SLC8A3: variants seen among roughly 807,000 people sequenced by gnomAD.
SLC8A3 encodes the protein sodium/calcium exchanger 3.
Under a neutral mutation model 65.4 loss-of-function variants are expected in SLC8A3, and 37 were observed. The observed-to-expected ratio is 0.57, with a 90% CI of 0.44 to 0.74. SLC8A3 has a LOEUF of 0.74. SLC8A3 is among the 30% of genes least tolerant of loss of function. SLC8A3 has a pLI of 0.00. For missense variants in SLC8A3, 1,112 were observed against 1,172.1 expected (o/e 0.95, Z 0.75); for synonymous variants, 461 against 444.5 (o/e 1.04, Z -0.47).
intron 2 of SLC8A3, among the ~76,000 whole-genome samples, chr14:70,076,604 C>T (rs532705714): frequency 6.6e-6 from 1 of 152,150 alleles, no homozygotes; most frequent in Non-Finnish European, 1.5e-5. Flanking sequence ...TCTATTCTTG[C>T]ACACATTACT....
At chr14:70,187,041 G>A (rs61978213) in intron 1 of SLC8A3, 4,039 of 152,366 alleles carry the variant, frequency 0.027, 82 homozygotes, top group Non-Finnish European at 0.041. Context: ...GTGCCCCACC[G>A]GAAGGCCGGA....
intron 2 of SLC8A3, among the ~76,000 whole-genome samples, chr14:70,097,798 G>A (rs571046891): frequency 2.0e-5 from 3 of 152,180 alleles, no homozygotes; most frequent in Middle Eastern, 3.4e-3. Flanking sequence ...TTAAAGTACA[G>A]GGGCAGGTGA....
chr14:70,166,525 A>T (rs1897168019), intron 2 of SLC8A3, 114 bp downstream of exon 2: 4 of 681,330 alleles, frequency 5.9e-6, no homozygotes, highest in Non-Finnish European at 1.0e-5. Flanking sequence ...GATGGAACCA[A>T]AGTTTGACAT....
At chr14:70,049,153 A>T in intron 5 of SLC8A3, 111 bp from the exon 6 acceptor site, 1 of 1,105,668 alleles carries the variant, frequency 9.0e-7, no homozygotes, top group Non-Finnish European at 1.3e-6. Context: ...AGGGGACTCC[A>T]GCTGTCTTCT....
chr14:70,090,354 C>T (rs1194202756), intron 2 of SLC8A3, among the ~76,000 whole-genome samples: 2 of 152,114 alleles, frequency 1.3e-5, no homozygotes, highest in South Asian at 2.1e-4. Context: ...TAAACTATCA[C>T]GTCATATGCG....
intron 2 of SLC8A3, among the ~76,000 whole-genome samples, chr14:70,150,914 C>T (rs1370609169): frequency 6.6e-6 from 1 of 152,174 alleles, no homozygotes; most frequent in Non-Finnish European, 1.5e-5. Context: ...ATGAGCAATG[C>T]AGTTCATGGC....
chr14:70,164,546 A>T (rs951834796), intron 2 of SLC8A3, among the ~76,000 whole-genome samples: 2 of 152,214 alleles, frequency 1.3e-5, no homozygotes, highest in Non-Finnish European at 1.5e-5. Context: ...TTGCACCAAG[A>T]TATTATACAA....
intron 2 of SLC8A3, among the ~76,000 whole-genome samples, chr14:70,074,301 C>T (rs1312347076): frequency 6.6e-6 from 1 of 152,224 alleles, no homozygotes; most frequent in East Asian, 1.9e-4. Flanking sequence ...ATTTAGAGTT[C>T]TTCCCTTTTT....
At chr14:70,080,017 T>C (rs931060068) in intron 2 of SLC8A3, 6 of 827,404 alleles carry the variant, frequency 7.3e-6, no homozygotes, top group East Asian at 2.5e-4. Context: ...AACATTCACA[T>C]TGGGTTGTCG....
chr14:70,135,671 A>G (rs1242077104), intron 2 of SLC8A3, among the ~76,000 whole-genome samples: 2 of 150,714 alleles, frequency 1.3e-5, no homozygotes, highest in Non-Finnish European at 2.9e-5. Context: ...AGTCTCACTC[A>G]TATATGAGAG....
At chr14:70,079,819 AG>A (rs1482998605) in intron 2 of SLC8A3, 1 of 152,326 alleles carries the variant, frequency 6.6e-6, no homozygotes, top group Non-Finnish European at 1.5e-5. Context: ...CTGCTCAAAA[AG>A]CCCAGTGCTT....
At chr14:70,111,230 A>C (rs537674204) in intron 2 of SLC8A3, among the ~76,000 whole-genome samples, 13 of 152,234 alleles carry the variant, frequency 8.5e-5, no homozygotes, top group African/African-American at 3.1e-4. Context: ...ATAATATCTC[A>C]TTGTAGTTTT....
chr14:70,075,069 A>C (rs1890361522), intron 2 of SLC8A3, among the ~76,000 whole-genome samples: 1 of 152,020 alleles, frequency 6.6e-6, no homozygotes, highest in Non-Finnish European at 1.5e-5. Context: ...TGATATGAAC[A>C]AAAAAAATAC....
chr14:70,154,807 CATA>C (rs779036220), intron 2 of SLC8A3, among the ~76,000 whole-genome samples: 1 of 151,648 alleles, frequency 6.6e-6, no homozygotes, highest in Non-Finnish European at 1.5e-5. Flanking sequence ...TTAGTTGACA[CATA>C]ATAATTATAC....
At chr14:70,081,424 C>T (rs1018269499) in intron 2 of SLC8A3, among the ~76,000 whole-genome samples, 1 of 152,220 alleles carries the variant, frequency 6.6e-6, no homozygotes, top group Non-Finnish European at 1.5e-5. Flanking sequence ...AATTGCATCA[C>T]CTATCTCTTT....
In SLC8A3 at chr14:70,183,338, A is replaced by G. The variant is rs536808943; in HGVS notation, c.-63+5041T>C. Among the ~76,000 whole-genome samples, 10 of 152,276 alleles carry G rather than the reference A, an allele frequency of 6.6e-5. No homozygotes were observed. In the East Asian group the frequency reaches 9.6e-4, roughly 15 times the overall value. ...TAGAATTAGCTTTTATTCACTCACC[A>G]TATTATTTTTAAATACTCACGTACA... On this transcript the variant is annotated intron_variant, in intron 1 of 6. Coordinates refer to ENST00000356921, the MANE Select transcript of SLC8A3 (RefSeq NM_182932.3).
chr14:70,166,960 C>G lies in SLC8A3; in HGVS notation c.1463G>C (p.Arg488Pro), dbSNP rs774270009. 3.1e-6 allele frequency: 5 copies of G among 1,613,974 alleles called. No individual in the cohort carries two copies. Among genetic ancestry groups the G allele is most frequent in the Non-Finnish European group, 4.2e-6 (5 of 1,180,002 alleles). Residue 488 changes from arginine to proline, a missense_variant, in exon 2 of 7, where the codon CGC becomes CCC. Coordinates refer to ENST00000356921, the MANE Select transcript of SLC8A3 (RefSeq NM_182932.3). ...CTCCTCTGGCTGCTCCTCCTCTATG[C>G]GGACATTGCTCAACCTTACAAAGAA... ...EHFFVRLSNV[R>P]IEEEQPEEGM...
intron 2 of SLC8A3, among the ~76,000 whole-genome samples, chr14:70,116,386 A>G (rs894577908): frequency 2.7e-5 from 4 of 149,816 alleles, no homozygotes; most frequent in Non-Finnish European, 5.9e-5. Flanking sequence ...TGCAGGGTGG[A>G]ACGGGAAGGA....
intron 2 of SLC8A3, among the ~76,000 whole-genome samples, chr14:70,125,141 A>G (rs1335807363): frequency 6.6e-6 from 1 of 152,240 alleles, no homozygotes. Context: ...GGACAGGAGC[A>G]GTAGTTCTCA....
Sources: gnomAD v4.1 joint callset for allele counts (sites outside exome capture counted in the v4.1 genomes callset) on GRCh38, gnomAD v4.1.1 for gene constraint, MANE v1.5 for transcripts, NCBI Gene and HGNC (gene_info 2026-07-23, HGNC 2026-07-21) for gene names.